Variants in FHOD3 observed in about 807,000 individuals in gnomAD.
The protein encoded by FHOD3 is FH1/FH2 domain-containing protein 3.
Under a neutral mutation model 173.0 loss-of-function variants are expected in FHOD3, and 90 were observed. That is an observed-to-expected ratio of 0.52 (90% confidence interval 0.44 to 0.62). FHOD3 has a LOEUF of 0.62. Ranked by LOEUF, FHOD3 falls within the 20% of genes least tolerant of loss-of-function variation. The probability of loss-of-function intolerance (pLI) is 0.00; values close to 1 mark genes in which losing one functional copy is unlikely to be tolerated. For missense variants in FHOD3, 1,945 were observed against 2,034.7 expected (o/e 0.96, Z 0.85); for synonymous variants, 828 against 823.0 (o/e 1.01, Z -0.10).
intron 18 of FHOD3, among the ~76,000 whole-genome samples, chr18:36,717,223 G>A (rs771687155): frequency 5.9e-5 from 9 of 152,034 alleles, no homozygotes; most frequent in African/African-American, 1.9e-4. Context: ...AGGATGAGAC[G>A]GGCTAGGAGG....
chr18:36,496,577 T>G (rs1363991939), intron 3 of FHOD3, among the ~76,000 whole-genome samples: 1 of 152,218 alleles, frequency 6.6e-6, no homozygotes, highest in Non-Finnish European at 1.5e-5. Context: ...GATTTCATTT[T>G]AAACCACAGT....
intron 14 of FHOD3, among the ~76,000 whole-genome samples, chr18:36,680,104 T>C (rs1443227456): frequency 6.6e-6 from 1 of 152,226 alleles, no homozygotes; most frequent in African/African-American, 2.4e-5. Flanking sequence ...ACTCTATCTA[T>C]GCCTTAGTGT....
chr18:36,666,869 C>T (rs12962509), intron 14 of FHOD3, among the ~76,000 whole-genome samples: 23,525 of 152,142 alleles, frequency 0.15, 2,365 homozygotes, highest in Non-Finnish European at 0.2. Context: ...AGATAATGTG[C>T]ATATCCATCA....
Position 36,463,742 on chromosome 18 carries a change from C to T in FHOD3, c.338-38190C>T, listed in dbSNP as rs866441106. On this transcript the variant is annotated intron_variant, in intron 3 of 28. Transcript: ENST00000590592. ...AACTCCTGTGCTTAAGCAATCTGCCCGCCTTAGCCTCCCAGTGCTGGGATT... is the reference window on the plus strand; with the variant it reads ...AACTCCTGTGCTTAAGCAATCTGCCTGCCTTAGCCTCCCAGTGCTGGGATT... Among the ~76,000 whole-genome samples, 26 of 152,288 alleles carry T rather than the reference C, an allele frequency of 1.7e-4. No individual in the cohort carries two copies. The Middle Eastern group carries it at 0.01, about 60-fold the overall frequency.
chr18:36,723,574 C>T (rs115075159), intron 19 of FHOD3, among the ~76,000 whole-genome samples: 2,389 of 152,212 alleles, frequency 0.016, 65 homozygotes, highest in African/African-American at 0.055. Context: ...TGGCAGGGAG[C>T]GAGGAGGGAT....
chr18:36,694,728 T>A (rs1357000591), intron 17 of FHOD3, among the ~76,000 whole-genome samples: 2 of 152,216 alleles, frequency 1.3e-5, no homozygotes, highest in Non-Finnish European at 2.9e-5. Context: ...TTGTCTAAAC[T>A]GTGAAGTACA....
chr18:36,365,006 G>A (rs2046827582), intron 2 of FHOD3, among the ~76,000 whole-genome samples: 1 of 152,160 alleles, frequency 6.6e-6, no homozygotes, highest in Non-Finnish European at 1.5e-5. Context: ...CTTGAACAAG[G>A]GCTGTGTCCC....
chr18:36,679,729 G>C (rs143992523), intron 14 of FHOD3, among the ~76,000 whole-genome samples: 1 of 151,682 alleles, frequency 6.6e-6, no homozygotes, highest in East Asian at 1.9e-4. Flanking sequence ...CAATGCAGTT[G>C]CATTATGATC....
chr18:36,360,234 G>A (rs1357699398), intron 2 of FHOD3, among the ~76,000 whole-genome samples: 1 of 152,218 alleles, frequency 6.6e-6, no homozygotes, highest in Non-Finnish European at 1.5e-5. Flanking sequence ...TGAGCCAAGA[G>A]TGGACCTGAG....
At chr18:36,573,179 T>A (rs1250731421) in intron 5 of FHOD3, among the ~76,000 whole-genome samples, 1 of 151,826 alleles carries the variant, frequency 6.6e-6, no homozygotes, top group African/African-American at 2.4e-5. Context: ...TATTTTACTT[T>A]TCCATTACAG....
At chr18:36,593,167 G>A (rs1266219619) in intron 6 of FHOD3, among the ~76,000 whole-genome samples, 1 of 152,150 alleles carries the variant, frequency 6.6e-6, no homozygotes, top group South Asian at 2.1e-4. Context: ...TGAGAGTTGA[G>A]CAAAAATGGG....
At chr18:36,442,123 T>C (rs981562145) in intron 3 of FHOD3, among the ~76,000 whole-genome samples, 1 of 152,198 alleles carries the variant, frequency 6.6e-6, no homozygotes, top group Non-Finnish European at 1.5e-5. Flanking sequence ...GGACATTCCA[T>C]GTGTTCTGAG....
intron 3 of FHOD3, among the ~76,000 whole-genome samples, chr18:36,500,493 T>C (rs1192887426): frequency 2.0e-5 from 3 of 152,120 alleles, no homozygotes; most frequent in Admixed American, 1.3e-4. Context: ...AAGCCCGAGG[T>C]GGTTGGCCAA....
At chr18:36,406,076 G>GTTTTTTTTTTTTGTTTTT (rs1207240646) in intron 3 of FHOD3, among the ~76,000 whole-genome samples, 3 of 135,732 alleles carry the variant, frequency 2.2e-5, no homozygotes, top group African/African-American at 5.4e-5. Flanking sequence ...GGCCTTGCCT[G>GTTTTTTTTTTTTGTTTTT]TTTTTTGTTT....
chr18:36,688,692 T>A (rs916121991), intron 16 of FHOD3, among the ~76,000 whole-genome samples: 1 of 152,216 alleles, frequency 6.6e-6, no homozygotes, highest in Non-Finnish European at 1.5e-5. Flanking sequence ...CTGTACTTAT[T>A]TGAGCTTTCA....
At chr18:36,384,443 T>C (rs1283840982) in intron 3 of FHOD3, among the ~76,000 whole-genome samples, 1 of 151,816 alleles carries the variant, frequency 6.6e-6, no homozygotes, top group African/African-American at 2.4e-5. Context: ...TGGTGGTAGA[T>C]GCCTATAATC....
chr18:36,641,114 A>G (rs9948702), intron 10 of FHOD3, among the ~76,000 whole-genome samples: 10,787 of 152,084 alleles, frequency 0.071, 661 homozygotes, highest in East Asian at 0.24. Context: ...CTAGGTCCTC[A>G]GGGCCATGGA....
chr18:36,598,557 A>T (rs1444766573), intron 7 of FHOD3, among the ~76,000 whole-genome samples: 3 of 148,230 alleles, frequency 2.0e-5, no homozygotes, highest in African/African-American at 7.5e-5. Flanking sequence ...TTGTTTTTAA[A>T]TTTTTTTTTT....
At chr18:36,517,634 A>G (rs780761081) in intron 5 of FHOD3, among the ~76,000 whole-genome samples, 3 of 152,238 alleles carry the variant, frequency 2.0e-5, no homozygotes, top group East Asian at 1.9e-4. Flanking sequence ...CAAAATACCA[A>G]TTAATCATAA....
Sources: gnomAD v4.1 joint callset for allele counts (sites outside exome capture counted in the v4.1 genomes callset) on GRCh38, gnomAD v4.1.1 for gene constraint, MANE v1.5 for transcripts, NCBI Gene and HGNC (gene_info 2026-07-23, HGNC 2026-07-21) for gene names.